TCF7L2: variants seen among roughly 807,000 people sequenced by gnomAD.
TCF7L2 encodes transcription factor 7 like 2.
A neutral mutation model predicts 77.9 loss-of-function variants in TCF7L2; 23 were observed. The ratio of observed to expected loss-of-function variants is 0.30; its 90% confidence interval spans 0.21 to 0.42. The LOEUF is 0.42. TCF7L2 is among the 10% of genes least tolerant of loss of function. The pLI, the probability that TCF7L2 is intolerant of heterozygous loss-of-function variation, is 1.00. For synonymous variants in TCF7L2, 413 were observed against 340.2 expected (o/e 1.21, Z -2.36); for missense variants, 654 against 793.1 (o/e 0.82, Z 2.11).
intron 4 of TCF7L2, among the ~76,000 whole-genome samples, chr10:112,965,625 GTATA>G (rs1194593095): frequency 7.5e-5 from 7 of 93,656 alleles, no homozygotes; most frequent in African/African-American, 1.0e-4. Flanking sequence ...CTGTGTGTGT[GTATA>G]TGTGTGTGTG....
At chr10:113,039,903 A>C in intron 4 of TCF7L2, 122 bp from the exon 5 acceptor site, 7 of 768,240 alleles carry the variant, frequency 9.1e-6, no homozygotes, top group Non-Finnish European at 1.3e-5. Flanking sequence ...TTTAATGATT[A>C]TTTGCATGCT....
intron 4 of TCF7L2, among the ~76,000 whole-genome samples, chr10:113,033,769 T>C (rs765540051): frequency 6.6e-6 from 1 of 152,180 alleles, no homozygotes; most frequent in African/African-American, 2.4e-5. Flanking sequence ...CTGGAGTATG[T>C]TTTTACTTAG....
chr10:113,125,113 A>G (rs1165099354), intron 5 of TCF7L2, among the ~76,000 whole-genome samples: 4 of 152,102 alleles, frequency 2.6e-5, no homozygotes, highest in Admixed American at 6.6e-5. Context: ...TTTCTTGTCA[A>G]ATTTGTATAG....
At chr10:112,980,107 CAAA>C (rs776086962) in intron 4 of TCF7L2, among the ~76,000 whole-genome samples, 4 of 152,168 alleles carry the variant, frequency 2.6e-5, no homozygotes, top group African/African-American at 4.8e-5. Flanking sequence ...TGGTTTGGCT[CAAA>C]AGCATTTGTC....
chr10:113,007,367 C>T (rs1590325533), intron 4 of TCF7L2, among the ~76,000 whole-genome samples: 1 of 152,356 alleles, frequency 6.6e-6, no homozygotes, highest in Non-Finnish European at 1.5e-5. Context: ...GGAGCTGGCT[C>T]CCTTTCCTGC....
intron 4 of TCF7L2, among the ~76,000 whole-genome samples, chr10:112,998,237 C>A (rs1430226498): frequency 2.0e-5 from 3 of 152,078 alleles, no homozygotes; most frequent in African/African-American, 7.2e-5. Context: ...CCGAGTTTAG[C>A]CCAGGTTCTG....
chr10:113,114,818 A>G (rs897858517), intron 5 of TCF7L2, among the ~76,000 whole-genome samples: 5 of 152,212 alleles, frequency 3.3e-5, no homozygotes, highest in Admixed American at 3.3e-4. Context: ...GCTTTGGCTT[A>G]TCAGATTGAA....
rs57823996 is a variant in TCF7L2 at position 112,988,909 on chromosome 10, G to A, written c.450+24285G>A. Among the ~76,000 whole-genome samples the A allele has an allele frequency of 5.6e-3, 853 of 152,190 alleles. 13 individuals carry two copies. Among genetic ancestry groups the A allele is most frequent in the South Asian group, 0.026 (123 of 4,820 alleles). The stretch of plus-strand genomic sequence containing the variant: ...CACAATGCCTTTAAACATCATCCCC[G>A]TTATACAGATAAGAAAACAGAATTT... On this transcript the variant is annotated intron_variant, in intron 4 of 13. Coordinates refer to ENST00000627217, the MANE Select transcript of TCF7L2 (RefSeq NM_001146274.2).
At chr10:113,063,661 C>T (rs1211946137) in intron 5 of TCF7L2, among the ~76,000 whole-genome samples, 1 of 152,144 alleles carries the variant, frequency 6.6e-6, no homozygotes, top group African/African-American at 2.4e-5. Context: ...TCCCTGTCCT[C>T]CTGGCATGCT....
rs531507050 is a variant in TCF7L2, at chr10:113,006,787, C to G, written c.451-33238C>G. Among the ~76,000 whole-genome samples the G allele has an allele frequency of 2.6e-5, 4 of 152,238 alleles. No homozygotes were observed. In the South Asian group the frequency reaches 8.3e-4, roughly 32 times the overall value. Reference sequence around the variant, plus strand: ...GGATGTTTCTTCATAAGAAACATGCCCTGTGGGGCAAAGCCCAGGACAGGG... The same window carrying G: ...GGATGTTTCTTCATAAGAAACATGCGCTGTGGGGCAAAGCCCAGGACAGGG... On this transcript the variant is annotated intron_variant, in intron 4 of 13. Transcript: ENST00000627217.
rs367668835 is a variant in TCF7L2 at position 113,056,743 on chromosome 10, A to G, written c.552+16617A>G. ...ATTAATAAATGAAATGTGCTGTAGC[A>G]TGGGTTTTTTACAAAGTGTACTTTT... On this transcript the variant is annotated intron_variant, in intron 5 of 13. Transcript: ENST00000627217. 8.5e-5 allele frequency among the ~76,000 whole-genome samples: 13 copies of G among 152,330 alleles called. No homozygotes were observed. The South Asian group carries it at 2.7e-3, about 32-fold the overall frequency.
chr10:113,096,172 C>A (rs80025052), intron 5 of TCF7L2, among the ~76,000 whole-genome samples: 1 of 152,140 alleles, frequency 6.6e-6, no homozygotes, highest in East Asian at 1.9e-4. Context: ...GAGGGGTAGA[C>A]GCTGCAGGGG....
intron 12 of TCF7L2, 75 bp downstream of exon 12, chr10:113,158,144 G>T: frequency 1.3e-6 from 2 of 1,494,920 alleles, no homozygotes; most frequent in South Asian, 1.2e-5. Flanking sequence ...TTTCCATCTG[G>T]GGGAGGCAGG....
intron 5 of TCF7L2, among the ~76,000 whole-genome samples, chr10:113,107,752 TAAAAAAAAAAAA>T (rs398014821): frequency 1.4e-4 from 8 of 55,250 alleles, no homozygotes; most frequent in African/African-American, 3.3e-4. Context: ...AGACTCCGTC[TAAAAAAAAAAAA>T]AAAAAAAAAA....
At chr10:113,043,002 A>G (rs927095106) in intron 5 of TCF7L2, among the ~76,000 whole-genome samples, 1 of 152,224 alleles carries the variant, frequency 6.6e-6, no homozygotes, top group Admixed American at 6.5e-5. Context: ...TTTAAGTAAG[A>G]CATAGTCACA....
intron 4 of TCF7L2, among the ~76,000 whole-genome samples, chr10:113,035,001 C>T (rs571441954): frequency 6.6e-5 from 10 of 150,980 alleles, no homozygotes; most frequent in African/African-American, 2.0e-4. Context: ...CCCTTTCCAT[C>T]TCTTTCCTTC....
chr10:113,132,719 C>T (rs1207004520), intron 5 of TCF7L2, among the ~76,000 whole-genome samples: 1 of 152,184 alleles, frequency 6.6e-6, no homozygotes, highest in African/African-American at 2.4e-5. Flanking sequence ...TGAACTCGGG[C>T]ACTTAACAAG....
In TCF7L2 at chr10:113,143,993, A is replaced by G. The variant is rs2136930517; in HGVS notation, c.756A>G (p.Gln252=). Residue 252 remains glutamine, a synonymous_variant, in exon 7 of 14, where the codon CAA becomes CAG. Transcript: ENST00000627217. ...CACTATCGCCTGGCACCGTAGGACAAATCCCCCATCCGCTAGGATGGTTAG... is the reference window on the plus strand; with the variant it reads ...CACTATCGCCTGGCACCGTAGGACAGATCCCCCATCCGCTAGGATGGTTAG... 6.2e-7 allele frequency: 1 copy of G among 1,614,150 alleles called. No homozygotes were observed.
At chr10:113,113,443 G>T (rs1474032560) in intron 5 of TCF7L2, among the ~76,000 whole-genome samples, 1 of 152,140 alleles carries the variant, frequency 6.6e-6, no homozygotes, top group African/African-American at 2.4e-5. Flanking sequence ...CAGGGCATAG[G>T]ACATCCTCAT....
Sources: gnomAD v4.1 joint callset for allele counts (sites outside exome capture counted in the v4.1 genomes callset) on GRCh38, gnomAD v4.1.1 for gene constraint, MANE v1.5 for transcripts, NCBI Gene and HGNC (gene_info 2026-07-23, HGNC 2026-07-21) for gene names.